Variants in AGR3 observed in about 807,000 individuals in gnomAD.
AGR3 encodes the protein anterior gradient 3, protein disulphide isomerase family member.
AGR3 carries 37 observed loss-of-function variants against 24.5 expected under a neutral mutation model. That is an observed-to-expected ratio of 1.51 (90% CI 1.16 to 1.99). The LOEUF (loss-of-function observed/expected upper bound fraction) is 1.99, where lower values mean the gene tolerates loss of function less well. Ranked by LOEUF, AGR3 falls within the 30% of genes most tolerant of loss-of-function variation. The pLI is 0.00. For missense variants in AGR3, 228 were observed against 191.1 expected (o/e 1.19, Z -1.14); for synonymous variants, 75 against 61.6 (o/e 1.22, Z -1.02).
intron 3 of AGR3, among the ~76,000 whole-genome samples, chr7:16,867,735 C>G (rs1213588472): frequency 1.3e-5 from 2 of 152,086 alleles, no homozygotes; most frequent in African/African-American, 4.8e-5. Context: ...TGTGAGATTA[C>G]GTGACATTTG....
At chr7:16,879,952 G>T (rs1452361576) in intron 1 of AGR3, among the ~76,000 whole-genome samples, 3 of 151,756 alleles carry the variant, frequency 2.0e-5, no homozygotes, top group Non-Finnish European at 2.9e-5. Flanking sequence ...CTTCCCAGTG[G>T]TGTATCTATT....
At chr7:16,868,119 A>ATG (rs1781794984) in intron 3 of AGR3, among the ~76,000 whole-genome samples, 1 of 151,538 alleles carries the variant, frequency 6.6e-6, no homozygotes, top group Non-Finnish European at 1.5e-5. Flanking sequence ...ATGATTAGTG[A>ATG]TGTTAAGTAT....
intron 7 of AGR3, 143 bp downstream of exon 7, chr7:16,860,357 G>A (rs1314831036): frequency 3.3e-6 from 2 of 600,634 alleles, no homozygotes; most frequent in East Asian, 5.6e-5. Context: ...TGATTTTGGT[G>A]GGAGCTAGAA....
chr7:16,876,490 C>G (rs1781988781), intron 2 of AGR3, among the ~76,000 whole-genome samples: 1 of 152,002 alleles, frequency 6.6e-6, no homozygotes, highest in African/African-American at 2.4e-5. Flanking sequence ...TTTCTCCTTA[C>G]TGCCTTCTCT....
intron 3 of AGR3, among the ~76,000 whole-genome samples, chr7:16,862,900 C>T (rs10276270): frequency 0.95 from 144,651 of 152,232 alleles, 68,995 homozygotes; most frequent in Non-Finnish European, 1. Context: ...GTTCCCAAAT[C>T]AGGAAAGCCT....
intron 3 of AGR3, among the ~76,000 whole-genome samples, chr7:16,869,466 G>A (rs117697267): frequency 6.6e-6 from 1 of 152,216 alleles, no homozygotes; most frequent in South Asian, 2.1e-4. Flanking sequence ...GGTGGCTCAT[G>A]CCTGTAATCC....
At chr7:16,864,723 C>G (rs764141991) in intron 3 of AGR3, 30 of 1,491,184 alleles carry the variant, frequency 2.0e-5, no homozygotes, top group Non-Finnish European at 2.6e-5. Context: ...GTATTAGAAA[C>G]CACTGCGGTG....
intron 3 of AGR3, among the ~76,000 whole-genome samples, chr7:16,872,348 C>A (rs6950372): frequency 0.93 from 141,558 of 152,264 alleles, 66,388 homozygotes; most frequent in Non-Finnish European, 1. Flanking sequence ...CAAGAACATG[C>A]ATTGGGGAAA....
chr7:16,876,420 T>A (rs537236809), intron 2 of AGR3, among the ~76,000 whole-genome samples: 29 of 152,258 alleles, frequency 1.9e-4, no homozygotes, highest in African/African-American at 6.5e-4. Flanking sequence ...TGGATCATTC[T>A]ATGTGTGTGT....
At chr7:16,859,695 TA>T in intron 7 of AGR3, 64 bp from the exon 8 acceptor site, 1 of 1,103,088 alleles carries the variant, frequency 9.1e-7, no homozygotes. Flanking sequence ...TATGATCTAT[TA>T]ACTCTAGAAC....
chr7:16,871,296 A>G (rs1034885416), intron 3 of AGR3, among the ~76,000 whole-genome samples: 2 of 152,228 alleles, frequency 1.3e-5, no homozygotes, highest in Admixed American at 1.3e-4. Context: ...AGGTATTTAG[A>G]GCTTTTGTTT....
At chr7:16,868,671 C>T (rs1034240702) in intron 3 of AGR3, among the ~76,000 whole-genome samples, 8 of 151,908 alleles carry the variant, frequency 5.3e-5, no homozygotes, top group African/African-American at 1.9e-4. Flanking sequence ...TCTCACTTGC[C>T]TATTTTTGCT....
chr7:16,879,653 C>A (rs1261922859), intron 1 of AGR3, among the ~76,000 whole-genome samples: 1 of 152,094 alleles, frequency 6.6e-6, no homozygotes, highest in Non-Finnish European at 1.5e-5. Context: ...AACTCATCAC[C>A]AAAATAGTAA....
chr7:16,871,092 C>G (rs1268596964), intron 3 of AGR3, among the ~76,000 whole-genome samples: 1 of 152,130 alleles, frequency 6.6e-6, no homozygotes, highest in Non-Finnish European at 1.5e-5. Flanking sequence ...TCAAGGAATA[C>G]TTGACTGATT....
rs954167102 is a variant in AGR3, at chr7:16,865,857, A to G, written c.174-3195T>C. ...TGTACTTGAATACCATTCTCCTTTG[A>G]TAGCGTTTTTTTGGTCGTTGTCTTT... On this transcript the variant is annotated intron_variant, in intron 3 of 7. Transcript: ENST00000310398. 5 of 735,874 alleles carry G rather than the reference A, an allele frequency of 6.8e-6. No homozygotes were observed. The African/African-American group carries it at 7.0e-5, about 10-fold the overall frequency. The allele number at this position is 735,874 out of a possible 1,614,324, so 45.6% of individuals were successfully genotyped here.
At chr7:16,860,389 C>T (rs905072367) in intron 7 of AGR3, 111 bp downstream of exon 7, 1 of 826,476 alleles carries the variant, frequency 1.2e-6, no homozygotes, top group Non-Finnish European at 2.0e-6. Context: ...AACACCACCA[C>T]TAGCCTCAGT....
downstream of AGR3, among the ~76,000 whole-genome samples, chr7:16,857,084 G>A (rs546677393): frequency 2.6e-5 from 4 of 151,784 alleles, no homozygotes; most frequent in African/African-American, 7.3e-5. Flanking sequence ...CAAACCCTTG[G>A]GCTAAAGTAA....
chr7:16,879,250 T>C (rs926888177), intron 1 of AGR3, among the ~76,000 whole-genome samples: 1 of 152,318 alleles, frequency 6.6e-6, no homozygotes, highest in Non-Finnish European at 1.5e-5. Flanking sequence ...CAGCTCTTTA[T>C]AAAAATCAAG....
chr7:16,876,502 CT>C, intron 2 of AGR3, among the ~76,000 whole-genome samples: 1 of 151,978 alleles, frequency 6.6e-6, no homozygotes, highest in African/African-American at 2.4e-5. Context: ...GCCTTCTCTA[CT>C]TAACTAGTGC....
Sources: allele counts gnomAD v4.1 joint callset (sites outside exome capture counted in the v4.1 genomes callset), GRCh38; gene constraint gnomAD v4.1.1; transcripts MANE v1.5; gene names NCBI Gene and HGNC (gene_info 2026-07-23, HGNC 2026-07-21).